Variants in XYLB observed in about 807,000 individuals in gnomAD.
The protein encoded by XYLB is xylulokinase.
A neutral mutation model predicts 78.7 loss-of-function variants in XYLB; 62 were observed. That is an observed-to-expected ratio of 0.79 (90% CI 0.64 to 0.97). The LOEUF (loss-of-function observed/expected upper bound fraction) is 0.97. Among genes scored for constraint, XYLB ranks in the 50% least tolerant of loss-of-function variants. The pLI is 0.00. For synonymous variants in XYLB, 245 were observed against 247.4 expected (o/e 0.99, Z 0.09); for missense variants, 687 against 676.8 (o/e 1.02, Z -0.17).
rs773249793 is a variant in XYLB, at chr3:38,395,489, T to C, written c.1292-16T>C. On this transcript the variant is annotated splice_polypyrimidine_tract_variant and intron_variant, in intron 15 of 18. Transcript: ENST00000207870. ...GAACTGGCATAGCTATTTTACTTTT[T>C]TCTTTTCCCTTGCAGTGTCCAAGAC... The C allele has an allele frequency of 1.4e-5, 23 of 1,614,024 alleles. No individual in the cohort carries two copies. The highest frequency in any genetic ancestry group is 4.0e-5 in the African/African-American group (3 of 74,934).
the XYLB span, among the ~76,000 whole-genome samples, chr3:38,439,056 T>G: frequency 8.5e-5 from 13 of 152,202 alleles, no homozygotes; most frequent in South Asian, 2.5e-3. Flanking sequence ...AGACAGAAAA[T>G]TTCTTCAAGT....
At chr3:38,364,339 G>A (rs1481683059) in intron 4 of XYLB, among the ~76,000 whole-genome samples, 1 of 151,594 alleles carries the variant, frequency 6.6e-6, no homozygotes, top group South Asian at 2.1e-4. Context: ...GGTCTCTACC[G>A]CAGCCTCCTT....
At chr3:38,436,858 G>A in the XYLB span, among the ~76,000 whole-genome samples, 8,072 of 151,718 alleles carry the variant, frequency 0.053, 726 homozygotes, top group African/African-American at 0.18. Context: ...ACAAAAATTA[G>A]CCAGGTGTGA....
intron 15 of XYLB, among the ~76,000 whole-genome samples, chr3:38,388,008 T>A (rs1311427216): frequency 6.6e-6 from 1 of 152,168 alleles, no homozygotes; most frequent in Non-Finnish European, 1.5e-5. Context: ...GTACGTTGTG[T>A]TTAAAAGTAC....
In XYLB at chr3:38,395,574, G is replaced by T. The variant is rs372064324; in HGVS notation, c.1350+11G>T. 1 of 1,613,842 alleles carries T rather than the reference G, an allele frequency of 6.2e-7. No homozygotes were observed. Among genetic ancestry groups the T allele is most frequent in the African/African-American group, 1.3e-5 (1 of 74,916 alleles). On this transcript the variant is annotated intron_variant, in intron 16 of 18. Transcript: ENST00000207870. The stretch of plus-strand genomic sequence containing the variant: ...AGAGAAATCTTACAGGTAAGCGTTA[G>T]TAGTGGGCCTTACACCATGGCCTCT...
the XYLB span, among the ~76,000 whole-genome samples, chr3:38,443,796 C>T: frequency 2.0e-5 from 3 of 150,408 alleles, no homozygotes; most frequent in African/African-American, 4.9e-5. Flanking sequence ...CCTGTAGATG[C>T]TCAAGGAAGA....
intron 2 of XYLB, among the ~76,000 whole-genome samples, chr3:38,350,834 A>G (rs1364235084): frequency 6.6e-6 from 1 of 151,816 alleles, no homozygotes; most frequent in African/African-American, 2.4e-5. Context: ...TCTTTGACTC[A>G]TGGGTTATTT....
Position 38,365,299 on chromosome 3 carries a change from C to G in XYLB, c.378+14C>G. 6.2e-7 allele frequency: 1 copy of G among 1,613,662 alleles called. No individual in the cohort carries two copies. Among genetic ancestry groups the G allele is most frequent in the African/African-American group, 1.3e-5 (1 of 75,054 alleles). Reference sequence around the variant, plus strand: ...CAGCAGCTGCAGGTAACTGTGGCTACGTTGTGTGAGTGTGAGAAACTTCTG... The same window carrying G: ...CAGCAGCTGCAGGTAACTGTGGCTAGGTTGTGTGAGTGTGAGAAACTTCTG... On this transcript the variant is annotated intron_variant, in intron 5 of 18. Transcript: ENST00000207870.
At chr3:38,435,271 C>A in the XYLB span, among the ~76,000 whole-genome samples, 1 of 151,970 alleles carries the variant, frequency 6.6e-6, no homozygotes, top group Non-Finnish European at 1.5e-5. Context: ...CAAAAGTGAG[C>A]AGGAGTATCT....
intron 15 of XYLB, among the ~76,000 whole-genome samples, chr3:38,379,588 G>A (rs757649751): frequency 5.3e-5 from 8 of 152,198 alleles, no homozygotes; most frequent in Non-Finnish European, 1.0e-4. Flanking sequence ...TGACCTTTTG[G>A]CCAGGACCTG....
the XYLB span, among the ~76,000 whole-genome samples, chr3:38,439,082 A>T: frequency 6.6e-6 from 1 of 152,186 alleles, no homozygotes; most frequent in Non-Finnish European, 1.5e-5. Flanking sequence ...CCCAACCCAG[A>T]AGTCCAACTG....
chr3:38,374,588 C>T (rs77540883), intron 11 of XYLB, 86 bp downstream of exon 11: 62,128 of 1,571,016 alleles, frequency 0.04, 1,453 homozygotes, highest in Non-Finnish European at 0.047. Context: ...GCTGCTGAGA[C>T]CCAGATCCCA....
At chr3:38,393,785 G>C (rs896459447) in intron 15 of XYLB, among the ~76,000 whole-genome samples, 2 of 151,798 alleles carry the variant, frequency 1.3e-5, no homozygotes, top group Non-Finnish European at 2.9e-5. Flanking sequence ...ACTGGATTAG[G>C]GCCCACCCCT....
At chr3:38,365,964 TG>T (rs1706236512) in intron 6 of XYLB, among the ~76,000 whole-genome samples, 1 of 152,118 alleles carries the variant, frequency 6.6e-6, no homozygotes, top group African/African-American at 2.4e-5. Context: ...GTGCTGTGCA[TG>T]GGGGTGAGGG....
downstream of XYLB, among the ~76,000 whole-genome samples, chr3:38,424,882 C>A (rs1709070350): frequency 6.6e-6 from 1 of 152,216 alleles, no homozygotes; most frequent in Non-Finnish European, 1.5e-5. Flanking sequence ...CCTTTGACTG[C>A]AGGAAATCAA....
the XYLB span, chr3:38,452,968 G>A: frequency 2.0e-5 from 3 of 152,160 alleles, no homozygotes; most frequent in African/African-American, 7.2e-5. Flanking sequence ...TGAGGATCTC[G>A]GAGCCTCATC....
chr3:38,407,177 C>T (rs1441252538), intron 18 of XYLB, among the ~76,000 whole-genome samples: 23 of 147,610 alleles, frequency 1.6e-4, no homozygotes, highest in African/African-American at 4.8e-4. Context: ...AGACTAACAG[C>T]GGATCTCTCG....
Position 38,389,533 on chromosome 3 carries a change from AC to A in XYLB, c.1292-5966del, listed in dbSNP as rs1157509275. ...CCAGAAGGGGCGGCCGGGCAGAGGC[AC>A]CCCCCACCTCCCTCCCAGACGGGGC... On this transcript the variant is annotated intron_variant, in intron 15 of 18. Transcript: ENST00000207870. 1.5e-4 allele frequency among the ~76,000 whole-genome samples: 16 copies of A among 109,364 alleles called. No individual in the cohort carries two copies. In the East Asian group the frequency reaches 4.2e-3, roughly 29 times the overall value. The allele number at this position is 109,364 out of a possible 152,430, so 71.7% of individuals were successfully genotyped here.
At chr3:38,419,576 C>A (rs1353701236), downstream of XYLB, among the ~76,000 whole-genome samples, 1 of 44,232 alleles carries the variant, frequency 2.3e-5, no homozygotes, top group African/African-American at 7.7e-5. Context: ...TGTTATTTTT[C>A]TTTATATATA....
Sources: gnomAD v4.1 joint callset for allele counts (sites outside exome capture counted in the v4.1 genomes callset) on GRCh38, gnomAD v4.1.1 for gene constraint, MANE v1.5 for transcripts, NCBI Gene and HGNC (gene_info 2026-07-23, HGNC 2026-07-21) for gene names.